The following CNBD1 variants were observed in gnomAD, a reference collection of about 807,000 sequenced individuals.
The protein encoded by CNBD1 is cyclic nucleotide binding domain containing 1.
CNBD1 carries 71 observed loss-of-function variants against 54.4 expected under a neutral mutation model. The observed-to-expected ratio is 1.30, with a 90% CI of 1.08 to 1.59. The LOEUF is 1.59. CNBD1 is among the 40% of genes most tolerant of loss of function. CNBD1 has a pLI of 0.00. For missense variants in CNBD1, 659 were observed against 518.0 expected (o/e 1.27, Z -2.64); for synonymous variants, 182 against 170.7 (o/e 1.07, Z -0.51).
intron 8 of CNBD1, among the ~76,000 whole-genome samples, chr8:87,287,291 A>T (rs1169694348): frequency 6.6e-6 from 1 of 152,126 alleles, no homozygotes; most frequent in East Asian, 1.9e-4. Flanking sequence ...CCAATTTAAC[A>T]AGGGTTGCTA....
At chr8:87,315,442 T>C (rs1340540916) in intron 8 of CNBD1, among the ~76,000 whole-genome samples, 1 of 152,016 alleles carries the variant, frequency 6.6e-6, no homozygotes, top group Non-Finnish European at 1.5e-5. Context: ...TGCAGGCATC[T>C]ACTTGGCTTC....
chr8:87,311,337 A>G (rs777921005), intron 8 of CNBD1, among the ~76,000 whole-genome samples: 10 of 152,158 alleles, frequency 6.6e-5, no homozygotes, highest in Non-Finnish European at 1.2e-4. Flanking sequence ...AAGCCAACAA[A>G]CATGTAAAAA....
intron 8 of CNBD1, among the ~76,000 whole-genome samples, chr8:87,338,953 T>G (rs1200841662): frequency 6.6e-6 from 1 of 152,184 alleles, no homozygotes; most frequent in East Asian, 1.9e-4. Flanking sequence ...GTCTCTGAAC[T>G]GTAAACTTCA....
intron 4 of CNBD1, among the ~76,000 whole-genome samples, chr8:87,201,036 A>T (rs939033523): frequency 1.2e-4 from 18 of 152,146 alleles, no homozygotes; most frequent in Non-Finnish European, 2.2e-4. Context: ...AACATATAAA[A>T]AACATTCCAT....
intron 4 of CNBD1, among the ~76,000 whole-genome samples, chr8:87,037,660 G>A (rs188632603): frequency 2.0e-5 from 3 of 152,118 alleles, no homozygotes; most frequent in Non-Finnish European, 4.4e-5. Flanking sequence ...GTATTTATTA[G>A]TGTCCTTTTA....
chr8:87,277,863 C>T (rs1463573548), intron 6 of CNBD1, among the ~76,000 whole-genome samples: 2 of 151,524 alleles, frequency 1.3e-5, no homozygotes, highest in Admixed American at 6.6e-5. Context: ...CACAAGACAA[C>T]ATTTTTTATA....
At chr8:86,929,080 G>A (rs1367589848) in intron 3 of CNBD1, among the ~76,000 whole-genome samples, 2 of 152,172 alleles carry the variant, frequency 1.3e-5, no homozygotes, top group East Asian at 3.9e-4. Context: ...GGGAAGTTCT[G>A]CCTGGCAGCA....
chr8:87,328,068 A>G (rs563799184), intron 8 of CNBD1, among the ~76,000 whole-genome samples: 6 of 152,050 alleles, frequency 3.9e-5, no homozygotes, highest in South Asian at 2.1e-4. Flanking sequence ...TGCTGCACCT[A>G]TCAACCCGTC....
At chr8:87,356,908 G>A (rs902126420) in intron 10 of CNBD1, among the ~76,000 whole-genome samples, 3 of 152,070 alleles carry the variant, frequency 2.0e-5, no homozygotes, top group African/African-American at 7.2e-5. Flanking sequence ...GGGGAGCCAG[G>A]CTGAGGATAC....
chr8:87,008,124 A>G (rs1290268658), intron 4 of CNBD1, among the ~76,000 whole-genome samples: 1 of 152,220 alleles, frequency 6.6e-6, no homozygotes, highest in Non-Finnish European at 1.5e-5. Context: ...TTCTCTTACC[A>G]AATACTGGTT....
At chr8:87,263,919 A>T (rs1022629787) in intron 6 of CNBD1, among the ~76,000 whole-genome samples, 2 of 152,198 alleles carry the variant, frequency 1.3e-5, no homozygotes, top group African/African-American at 4.8e-5. Flanking sequence ...ACAAATATCA[A>T]ATCTTATTAT....
chr8:87,228,897 T>A (rs201439108), intron 5 of CNBD1, among the ~76,000 whole-genome samples: 1 of 152,214 alleles, frequency 6.6e-6, no homozygotes, highest in Non-Finnish European at 1.5e-5. Flanking sequence ...AGCGAGACTC[T>A]GTGGGGTAGG....
chr8:87,361,578 C>T (rs564533552), intron 10 of CNBD1, among the ~76,000 whole-genome samples: 1 of 151,462 alleles, frequency 6.6e-6, no homozygotes, highest in South Asian at 2.1e-4. Flanking sequence ...TCCTCAAATA[C>T]TGGGAAAATT....
intron 4 of CNBD1, among the ~76,000 whole-genome samples, chr8:87,093,535 T>G (rs1181701917): frequency 2.6e-5 from 4 of 152,212 alleles, no homozygotes; most frequent in African/African-American, 4.8e-5. Flanking sequence ...GAGTATGACC[T>G]ACTTTTCTCA....
At chr8:87,402,948 TA>T (rs1807593625) in intron 2 of CNBD1, among the ~76,000 whole-genome samples, 2 of 152,084 alleles carry the variant, frequency 1.3e-5, no homozygotes, top group Non-Finnish European at 2.9e-5. Context: ...ATGTAATGTT[TA>T]TATCATACAA....
intron 9 of CNBD1, among the ~76,000 whole-genome samples, 179 bp from the exon 10 acceptor site, chr8:87,353,457 G>C (rs1008984837): frequency 6.6e-6 from 1 of 151,950 alleles, no homozygotes; most frequent in African/African-American, 2.4e-5. Flanking sequence ...ATTTACTATT[G>C]CTCTAATATA....
chr8:87,052,690 A>G (rs60801066), intron 4 of CNBD1, among the ~76,000 whole-genome samples: 4,171 of 152,228 alleles, frequency 0.027, 74 homozygotes, highest in Middle Eastern at 0.041. Flanking sequence ...TATAGGAGAC[A>G]TGTTGTTTAT....
intron 10 of CNBD1, among the ~76,000 whole-genome samples, chr8:87,362,419 A>C (rs572969944): frequency 2.0e-5 from 3 of 152,114 alleles, no homozygotes; most frequent in Admixed American, 6.6e-5. Context: ...TTCATCCAAC[A>C]GACAGTCCAA....
At position 87,042,599 on chromosome 8, in the gene CNBD1, C is replaced by A. The variant is rs368616350; in HGVS notation, c.431+102845C>A. ...TAAAGAGCGACTGGACAATCAGGAGCCAGCAAGACCCCTTTTGGAGAGTTT... is the reference window on the plus strand; with the variant it reads ...TAAAGAGCGACTGGACAATCAGGAGACAGCAAGACCCCTTTTGGAGAGTTT... On this transcript the variant is annotated intron_variant, in intron 4 of 10. Coordinates refer to ENST00000518476, the MANE Select transcript of CNBD1 (RefSeq NM_173538.3). 5.6e-4 allele frequency among the ~76,000 whole-genome samples: 85 copies of A among 152,164 alleles called. No homozygotes were observed. In the South Asian group the frequency reaches 0.017, roughly 31 times the overall value.
Sources: gnomAD v4.1 joint callset for allele counts (sites outside exome capture counted in the v4.1 genomes callset) on GRCh38, gnomAD v4.1.1 for gene constraint, MANE v1.5 for transcripts, NCBI Gene and HGNC (gene_info 2026-07-23, HGNC 2026-07-21) for gene names.